PPM1L: variants seen among roughly 807,000 people sequenced by gnomAD.
The protein encoded by PPM1L is protein phosphatase, Mg2+/Mn2+ dependent 1L, also known as protein phosphatase 1L.
Under a neutral mutation model 31.4 loss-of-function variants are expected in PPM1L, and 13 were observed. The observed-to-expected ratio is 0.41, with a 90% CI of 0.27 to 0.66. The LOEUF is 0.66. PPM1L is among the 30% of genes least tolerant of loss of function. PPM1L has a pLI of 0.29. For missense variants in PPM1L, 326 were observed against 453.7 expected, an observed-to-expected ratio of 0.72 and a Z score of 2.56; for synonymous variants, 184 against 175.4, an observed-to-expected ratio of 1.05 and a Z score of -0.39.
intron 1 of PPM1L, among the ~76,000 whole-genome samples, chr3:160,795,304 GT>G (rs1339086786): frequency 6.6e-6 from 1 of 152,148 alleles, no homozygotes; most frequent in African/African-American, 2.4e-5. Flanking sequence ...TCTTAACACG[GT>G]TAGCATTTGG....
chr3:161,074,281 T>C lies in PPM1L; in HGVS notation c.*5124T>C, dbSNP rs965858200. The C allele has an allele frequency of 6.6e-6, 1 of 152,232 alleles. No individual in the cohort carries two copies. The highest frequency in any genetic ancestry group is 2.4e-5 in the African/African-American group (1 of 41,458). The allele number at this position is 152,232 out of a possible 1,614,324, so 9.4% of individuals were successfully genotyped here. A position where few individuals can be genotyped will look rare whatever the true frequency, so the allele number is the denominator to read the frequency against. ...TTTATGTACATAGTTAAGTTTGGCA[T>C]GTTATCTCTTGCCTAAAATGTGAGG... is the stretch of plus-strand genomic sequence containing the variant. On this transcript the variant is annotated 3_prime_UTR_variant, in exon 4 of 4. Coordinates refer to ENST00000498165, the MANE Select transcript of PPM1L (RefSeq NM_139245.4).
chr3:160,953,831 A>G (rs1715648684), intron 1 of PPM1L, among the ~76,000 whole-genome samples: 1 of 152,168 alleles, frequency 6.6e-6, no homozygotes, highest in Non-Finnish European at 1.5e-5. Context: ...AACTTTATTC[A>G]GTTTTCCCAT....
chr3:160,764,460 CCT>C (rs58217473), intron 1 of PPM1L, among the ~76,000 whole-genome samples: 76,889 of 147,736 alleles, frequency 0.52, 22,178 homozygotes, highest in African/African-American at 0.79. Context: ...TTTAATTCTC[CCT>C]CTCTCTCTCT....
At chr3:160,954,149 A>T (rs567121556) in intron 1 of PPM1L, among the ~76,000 whole-genome samples, 2 of 152,284 alleles carry the variant, frequency 1.3e-5, no homozygotes, top group Admixed American at 6.5e-5. Context: ...AAAATCTGTT[A>T]GGGTTGTTGT....
rs2108084478 is a variant in PPM1L, at chr3:160,811,232, T to A, written c.399+54525T>A. On this transcript the variant is annotated intron_variant, in intron 1 of 3. Transcript: ENST00000498165. ...AAGAATGGAATGTATATGAAGTGAC[T>A]AGACTGAATACTGATTCTCTTCTAT... Among the ~76,000 whole-genome samples the A allele has an allele frequency of 1.3e-5, 2 of 152,368 alleles. 1 individual carries two copies. Among genetic ancestry groups the A allele is most frequent in the East Asian group, 3.9e-4 (2 of 5,186 alleles).
chr3:160,910,967 T>C (rs1295376645), intron 1 of PPM1L, among the ~76,000 whole-genome samples: 1 of 152,200 alleles, frequency 6.6e-6, no homozygotes, highest in African/African-American at 2.4e-5. Context: ...TAAATTACTT[T>C]AACATTATGG....
chr3:160,897,336 T>A (rs1348582923), intron 1 of PPM1L, among the ~76,000 whole-genome samples: 1 of 152,142 alleles, frequency 6.6e-6, no homozygotes. Context: ...CCACCGTGCC[T>A]GGCCAACTAC....
chr3:160,862,794 AG>A (rs1483703665), intron 1 of PPM1L, among the ~76,000 whole-genome samples: 3 of 151,920 alleles, frequency 2.0e-5, no homozygotes, highest in Non-Finnish European at 4.4e-5. Flanking sequence ...TTAGGAGAGT[AG>A]GGGGGAAAAA....
chr3:160,881,239 C>T (rs1210007519), intron 1 of PPM1L, among the ~76,000 whole-genome samples: 10 of 152,186 alleles, frequency 6.6e-5, no homozygotes. Context: ...ATACATGTTA[C>T]ATCATGTCAG....
chr3:160,867,857 A>G (rs1169514134), intron 1 of PPM1L, among the ~76,000 whole-genome samples: 1 of 152,168 alleles, frequency 6.6e-6, no homozygotes, highest in Non-Finnish European at 1.5e-5. Context: ...GAATTCCAGG[A>G]CAGACTGTCT....
At chr3:161,056,507 T>G (rs921471155) in intron 2 of PPM1L, among the ~76,000 whole-genome samples, 3 of 152,092 alleles carry the variant, frequency 2.0e-5, no homozygotes, top group African/African-American at 7.2e-5. Flanking sequence ...TAAATTCATC[T>G]GAATACAGAA....
rs370401976 is a variant in PPM1L, at chr3:160,942,605, A to G, written c.400-19131A>G. On this transcript the variant is annotated intron_variant, in intron 1 of 3. Coordinates refer to ENST00000498165, the MANE Select transcript of PPM1L (RefSeq NM_139245.4). ...TTCTCCAAGCATTTATTGAGCATCT[A>G]CCTAATGCCTGACATTGTAAAAAGT... Among the ~76,000 whole-genome samples, 202 of 152,306 alleles carry G rather than the reference A, an allele frequency of 1.3e-3. 2 individuals are homozygous for G. Among genetic ancestry groups the G allele is most frequent in the African/African-American group, 4.6e-3 (193 of 41,576 alleles).
Position 160,952,212 on chromosome 3 carries a change from G to C in PPM1L, c.400-9524G>C, listed in dbSNP as rs572133165. ...CCTGGTGGGCAAGGGCACTCACTCT[G>C]ACTTTATTTTAAAGTGCCTGGAGCC... On this transcript the variant is annotated intron_variant, in intron 1 of 3. Transcript: ENST00000498165. Among the ~76,000 whole-genome samples, 3 of 152,272 alleles carry C rather than the reference G, an allele frequency of 2.0e-5. 1 individual carries two copies. In the South Asian group the frequency reaches 6.2e-4, roughly 32 times the overall value.
intron 1 of PPM1L, among the ~76,000 whole-genome samples, chr3:160,850,890 G>T (rs1211107611): frequency 4.0e-5 from 6 of 149,906 alleles, no homozygotes; most frequent in African/African-American, 1.2e-4. Context: ...TTGGTGGGGG[G>T]GGGGTCATTA....
intron 2 of PPM1L, among the ~76,000 whole-genome samples, chr3:160,991,337 A>G (rs1174439640): frequency 1.3e-5 from 2 of 152,134 alleles, no homozygotes; most frequent in African/African-American, 4.8e-5. Flanking sequence ...GTTACTGAAA[A>G]CTTAAGACCC....
chr3:160,767,845 C>T (rs1715144922), intron 1 of PPM1L, among the ~76,000 whole-genome samples: 1 of 152,074 alleles, frequency 6.6e-6, no homozygotes, highest in Non-Finnish European at 1.5e-5. Context: ...CTGTTTTATT[C>T]TGATAAGTGT....
intron 1 of PPM1L, among the ~76,000 whole-genome samples, chr3:160,782,219 C>A (rs1274787113): frequency 1.3e-5 from 2 of 151,896 alleles, no homozygotes; most frequent in Non-Finnish European, 2.9e-5. Context: ...TACATAGGAG[C>A]CTGTCTTCCG....
chr3:161,065,739 T>A (rs1719719752), intron 3 of PPM1L, among the ~76,000 whole-genome samples, 175 bp downstream of exon 3: 1 of 152,194 alleles, frequency 6.6e-6, no homozygotes. Context: ...ACTAAATCTG[T>A]CTTCCTTCAT....
At chr3:160,971,154 A>G (rs1716329986) in intron 2 of PPM1L, among the ~76,000 whole-genome samples, 1 of 152,156 alleles carries the variant, frequency 6.6e-6, no homozygotes. Context: ...GAAACATGTA[A>G]TTTACAAGCC....
Sources: allele counts gnomAD v4.1 joint callset (sites outside exome capture counted in the v4.1 genomes callset), GRCh38; gene constraint gnomAD v4.1.1; transcripts MANE v1.5; gene names NCBI Gene and HGNC (gene_info 2026-07-23, HGNC 2026-07-21).